DLGAP2: variants seen among roughly 807,000 people sequenced by gnomAD.
DLGAP2 encodes disks large-associated protein 2.
A neutral mutation model predicts 100.3 loss-of-function variants in DLGAP2; 26 were observed. The ratio of observed to expected loss-of-function variants is 0.26; its 90% CI spans 0.19 to 0.36. DLGAP2 has a LOEUF of 0.36. Ranked by LOEUF, DLGAP2 falls within the 10% of genes least tolerant of loss-of-function variation. The pLI, the probability that DLGAP2 is intolerant of heterozygous loss-of-function variation, is 1.00. For synonymous variants in DLGAP2, 886 were observed against 630.1 expected, an observed-to-expected ratio of 1.41 and a Z score of -6.08; for missense variants, 1,858 against 1,453.2, an observed-to-expected ratio of 1.28 and a Z score of -4.53.
At chr8:1,054,176 A>G (rs959611892) in intron 2 of DLGAP2, among the ~76,000 whole-genome samples, 1 of 152,088 alleles carries the variant, frequency 6.6e-6, no homozygotes, top group African/African-American at 2.4e-5. Flanking sequence ...GCATGAATGC[A>G]CGCACACATG....
intron 2 of DLGAP2, among the ~76,000 whole-genome samples, chr8:1,006,683 C>A (rs1481468016): frequency 9.9e-6 from 1 of 100,594 alleles, no homozygotes; most frequent in Non-Finnish European, 1.9e-5. Flanking sequence ...GGGCGCCCTG[C>A]GTCTCAAGTC....
At chr8:1,024,563 C>G (rs1245574161) in intron 2 of DLGAP2, among the ~76,000 whole-genome samples, 2 of 152,316 alleles carry the variant, frequency 1.3e-5, no homozygotes, top group South Asian at 4.1e-4. Context: ...CCCCGCTGTG[C>G]CCTCTGTGGT....
At chr8:1,430,018 A>ATATATATATG (rs1797375993) in intron 3 of DLGAP2, among the ~76,000 whole-genome samples, 1 of 93,182 alleles carries the variant, frequency 1.1e-5, no homozygotes, top group Non-Finnish European at 2.1e-5. Context: ...ATATATATAT[A>ATATATATATG]TATATATATA....
At chr8:1,660,274 C>G (rs922246760) in intron 8 of DLGAP2, among the ~76,000 whole-genome samples, 2 of 152,104 alleles carry the variant, frequency 1.3e-5, no homozygotes, top group South Asian at 2.1e-4. Flanking sequence ...TGGAGGGCTG[C>G]TTTTCATTAA....
chr8:964,448 G>C (rs1799798780), intron 2 of DLGAP2, among the ~76,000 whole-genome samples: 1 of 152,240 alleles, frequency 6.6e-6, no homozygotes, highest in Non-Finnish European at 1.5e-5. Flanking sequence ...AGAGGACCCA[G>C]CCTTTTATTC....
chr8:814,907 A>C (rs936017834), intron 1 of DLGAP2, among the ~76,000 whole-genome samples: 27 of 151,978 alleles, frequency 1.8e-4, no homozygotes, highest in African/African-American at 6.3e-4. Flanking sequence ...CTTGAAATGA[A>C]AACTTGGTAG....
intron 2 of DLGAP2, among the ~76,000 whole-genome samples, chr8:1,159,521 A>C (rs114245614): frequency 0.022 from 3,400 of 152,234 alleles, 158 homozygotes; most frequent in African/African-American, 0.078. Flanking sequence ...CTGGATTTTT[A>C]GTTATTAGAG....
chr8:1,110,226 GT>G (rs1423095363), intron 2 of DLGAP2, among the ~76,000 whole-genome samples: 18 of 114,050 alleles, frequency 1.6e-4, no homozygotes, highest in Non-Finnish European at 1.7e-4. Context: ...GCATGGGTCT[GT>G]GACGTGTGCT....
intron 1 of DLGAP2, among the ~76,000 whole-genome samples, chr8:859,248 A>G (rs1421426027): frequency 6.6e-6 from 1 of 151,960 alleles, no homozygotes; most frequent in Non-Finnish European, 1.5e-5. Flanking sequence ...AGTAGCTGGG[A>G]TCACAGGCGC....
chr8:977,113 A>G (rs1017427630), intron 2 of DLGAP2, among the ~76,000 whole-genome samples: 2 of 152,226 alleles, frequency 1.3e-5, no homozygotes, highest in Non-Finnish European at 2.9e-5. Context: ...CCAAGATAAG[A>G]GGTCAGCTTC....
At chr8:1,510,377 G>A (rs1360804553) in intron 4 of DLGAP2, among the ~76,000 whole-genome samples, 1 of 152,220 alleles carries the variant, frequency 6.6e-6, no homozygotes, top group Non-Finnish European at 1.5e-5. Context: ...GAGGAACTCT[G>A]CAGTGCGTGA....
At chr8:1,173,230 G>A (rs139304128) in intron 2 of DLGAP2, among the ~76,000 whole-genome samples, 6,927 of 152,242 alleles carry the variant, frequency 0.045, 224 homozygotes, top group Non-Finnish European at 0.07. Context: ...CTGCCTGATC[G>A]TTCTTCTGGA....
intron 2 of DLGAP2, among the ~76,000 whole-genome samples, chr8:1,149,754 C>T (rs1165595031): frequency 6.6e-6 from 1 of 152,148 alleles, no homozygotes; most frequent in Non-Finnish European, 1.5e-5. Flanking sequence ...TTTCTTGCAT[C>T]CAGTTGTATT....
At chr8:1,582,616 G>T (rs747512121) in intron 6 of DLGAP2, among the ~76,000 whole-genome samples, 3 of 152,006 alleles carry the variant, frequency 2.0e-5, no homozygotes. Context: ...CCAAGATGGA[G>T]TCTCGCTCCG....
chr8:759,937 T>C (rs533537537), intron 1 of DLGAP2, among the ~76,000 whole-genome samples: 1 of 152,336 alleles, frequency 6.6e-6, no homozygotes, highest in Admixed American at 6.5e-5. Flanking sequence ...AGCTCCACGC[T>C]TACTTCTCAT....
intron 6 of DLGAP2, among the ~76,000 whole-genome samples, chr8:1,597,303 G>C (rs996112966): frequency 6.6e-6 from 1 of 151,732 alleles, no homozygotes; most frequent in African/African-American, 2.4e-5. Context: ...GGTGTTCTTT[G>C]TCAGCTTTGT....
intron 1 of DLGAP2, among the ~76,000 whole-genome samples, chr8:885,134 T>C (rs1797898043): frequency 1.3e-5 from 2 of 152,252 alleles, no homozygotes; most frequent in South Asian, 2.1e-4. Context: ...TGATTTCATA[T>C]GAAATTTAAA....
At chr8:738,927 C>A in intron 1 of DLGAP2, 2 of 153,156 alleles carry the variant, frequency 1.3e-5, no homozygotes, top group South Asian at 3.6e-4. Context: ...CGATGCGCGT[C>A]GGAAACTCGC....
intron 10 of DLGAP2, among the ~76,000 whole-genome samples, chr8:1,671,423 T>C (rs1563054029): frequency 6.6e-6 from 1 of 152,178 alleles, no homozygotes. Context: ...GCGAATGTCA[T>C]TCCTACAAAT....
Sources: gnomAD v4.1 joint callset for allele counts (sites outside exome capture counted in the v4.1 genomes callset) on GRCh38, gnomAD v4.1.1 for gene constraint, MANE v1.5 for transcripts, NCBI Gene and HGNC (gene_info 2026-07-23, HGNC 2026-07-21) for gene names.